OPCML: variants seen among roughly 807,000 people sequenced by gnomAD.
OPCML encodes opioid-binding protein/cell adhesion molecule.
In OPCML, 13 loss-of-function variants were observed where a neutral mutation model predicts 37.8. The ratio of observed to expected loss-of-function variants is 0.34; its 90% CI spans 0.22 to 0.55. The LOEUF (loss-of-function observed/expected upper bound fraction) is 0.55, where lower values mean the gene tolerates loss of function less well. Among genes scored for constraint, OPCML ranks in the 20% least tolerant of loss-of-function variants. OPCML has a pLI of 0.91. For missense variants in OPCML, 341 were observed against 435.6 expected (o/e 0.78, Z 1.93); for synonymous variants, 176 against 168.8 (o/e 1.04, Z -0.33).
chr11:132,864,555 G>T (rs1177489030), intron 2 of OPCML, among the ~76,000 whole-genome samples: 1 of 152,220 alleles, frequency 6.6e-6, no homozygotes, highest in East Asian at 1.9e-4. Context: ...CTGCAAAGCA[G>T]TATGTAAAAA....
intron 1 of OPCML, among the ~76,000 whole-genome samples, chr11:133,217,967 G>T (rs1939655179): frequency 6.6e-6 from 1 of 151,628 alleles, no homozygotes; most frequent in South Asian, 2.1e-4. Flanking sequence ...GATGGTTTTA[G>T]CCCAGGAAGT....
At chr11:133,138,716 G>A (rs939192106) in intron 1 of OPCML, among the ~76,000 whole-genome samples, 1 of 152,138 alleles carries the variant, frequency 6.6e-6, no homozygotes, top group African/African-American at 2.4e-5. Context: ...CCTGGTAGAT[G>A]CTGTAGATTT....
rs1941744110 is a variant in OPCML at position 132,657,086 on chromosome 11, C to T, written c.379+1G>A. ...CAACCCCAGATCCAGCTGGGACTTA[C>T]CTTGCACTATTAGGTGAACCCGGGA... is the stretch of plus-strand genomic sequence containing the variant. On this transcript the variant is annotated splice_donor_variant, in intron 3 of 7. Coordinates refer to ENST00000524381, the MANE Select transcript of OPCML (RefSeq NM_001012393.5). LOFTEE classifies it high-confidence loss of function. 1 of 1,613,686 alleles carries T rather than the reference C, an allele frequency of 6.2e-7. No individual in the cohort carries two copies.
At chr11:133,504,580 G>A (rs1033522645) in intron 1 of OPCML, among the ~76,000 whole-genome samples, 5 of 152,270 alleles carry the variant, frequency 3.3e-5, no homozygotes, top group South Asian at 2.1e-4. Flanking sequence ...TGTGCCAACC[G>A]CACCTACTGG....
intron 2 of OPCML, among the ~76,000 whole-genome samples, chr11:132,865,159 GGAAT>G (rs1942479940): frequency 6.6e-6 from 1 of 152,138 alleles, no homozygotes; most frequent in African/African-American, 2.4e-5. Flanking sequence ...GATAAGTAGA[GGAAT>G]GAATAGATTC....
intron 2 of OPCML, among the ~76,000 whole-genome samples, chr11:132,835,714 C>G (rs78426573): frequency 6.6e-6 from 1 of 152,224 alleles, no homozygotes; most frequent in East Asian, 1.9e-4. Flanking sequence ...CACCACCTTG[C>G]TTTTGATGGC....
rs981409093 is a variant in OPCML, at chr11:132,565,082, G to A, written c.380-35896C>T. Among the ~76,000 whole-genome samples the A allele has an allele frequency of 3.3e-5, 5 of 152,162 alleles. No homozygotes were observed. The East Asian group carries it at 7.7e-4, about 24-fold the overall frequency. ...CCTTCTGTTATTAAATAATCTTAAC[G>A]GTATCTCTACAATCTGTCAGACTTG... On this transcript the variant is annotated intron_variant, in intron 3 of 7. Coordinates refer to ENST00000524381, the MANE Select transcript of OPCML (RefSeq NM_001012393.5).
At chr11:133,019,847 C>T (rs934724132) in intron 1 of OPCML, among the ~76,000 whole-genome samples, 11 of 152,154 alleles carry the variant, frequency 7.2e-5, no homozygotes, top group South Asian at 4.1e-4. Flanking sequence ...TGTCATTCTC[C>T]GGAATTGCCC....
intron 1 of OPCML, among the ~76,000 whole-genome samples, chr11:133,163,780 T>C (rs1001644038): frequency 1.3e-5 from 2 of 152,228 alleles, no homozygotes; most frequent in Non-Finnish European, 2.9e-5. Context: ...GCTATAATTA[T>C]ACTGGACAGA....
At chr11:132,666,858 G>T (rs1412441286) in intron 2 of OPCML, among the ~76,000 whole-genome samples, 1 of 152,162 alleles carries the variant, frequency 6.6e-6, no homozygotes, top group African/African-American at 2.4e-5. Flanking sequence ...TGTCTGCATA[G>T]GTTTAACTAT....
At chr11:132,461,182 G>A (rs933782992) in intron 4 of OPCML, among the ~76,000 whole-genome samples, 1 of 152,140 alleles carries the variant, frequency 6.6e-6, no homozygotes, top group African/African-American at 2.4e-5. Context: ...CTCTGCAGCT[G>A]TAAGAGTGTC....
chr11:133,467,934 A>T (rs2136999751), intron 1 of OPCML, among the ~76,000 whole-genome samples: 1 of 152,208 alleles, frequency 6.6e-6, no homozygotes, highest in East Asian at 1.9e-4. Flanking sequence ...ATAATAGGAG[A>T]TCTGAGTCTT....
intron 2 of OPCML, among the ~76,000 whole-genome samples, chr11:132,895,808 C>G (rs758660164): frequency 1.3e-5 from 2 of 152,098 alleles, no homozygotes; most frequent in Non-Finnish European, 2.9e-5. Flanking sequence ...AATCCACCCC[C>G]CCTGCCCCTC....
intron 4 of OPCML, among the ~76,000 whole-genome samples, chr11:132,504,622 A>G (rs781731535): frequency 1.3e-5 from 2 of 150,730 alleles, no homozygotes; most frequent in Non-Finnish European, 2.9e-5. Context: ...TGGCAGGTTA[A>G]ATGTAGGTTG....
At chr11:133,468,120 A>C (rs1252197362) in intron 1 of OPCML, among the ~76,000 whole-genome samples, 1 of 152,232 alleles carries the variant, frequency 6.6e-6, no homozygotes, top group African/African-American at 2.4e-5. Context: ...GAAATGAAGT[A>C]GAAGTTTTAA....
chr11:132,646,355 C>T (rs889878546), intron 3 of OPCML, among the ~76,000 whole-genome samples: 9 of 152,168 alleles, frequency 5.9e-5, no homozygotes, highest in Non-Finnish European at 5.9e-5. Flanking sequence ...ATAGAAAAGA[C>T]GGTTTGGCCC....
chr11:132,820,906 C>T (rs773813894), intron 2 of OPCML, among the ~76,000 whole-genome samples: 2 of 152,160 alleles, frequency 1.3e-5, no homozygotes, highest in Admixed American at 1.3e-4. Context: ...AGATACATAG[C>T]ATGTATGTTT....
At chr11:132,635,958 G>A (rs1450445531) in intron 3 of OPCML, among the ~76,000 whole-genome samples, 4 of 151,966 alleles carry the variant, frequency 2.6e-5, no homozygotes, top group Non-Finnish European at 4.4e-5. Context: ...GCTACATGTT[G>A]AAAATACTCC....
chr11:132,968,615 G>T (rs1420329951), intron 1 of OPCML, among the ~76,000 whole-genome samples: 3 of 152,084 alleles, frequency 2.0e-5, no homozygotes, highest in Non-Finnish European at 4.4e-5. Flanking sequence ...ACCTCTTAAA[G>T]TCCCCACCTC....
Sources: allele counts gnomAD v4.1 joint callset (sites outside exome capture counted in the v4.1 genomes callset), GRCh38; gene constraint gnomAD v4.1.1; transcripts MANE v1.5; gene names NCBI Gene and HGNC (gene_info 2026-07-23, HGNC 2026-07-21).